CES2: variants seen among roughly 807,000 people sequenced by gnomAD.
CES2 encodes the protein cocaine esterase.
Under a neutral mutation model 52.1 loss-of-function variants are expected in CES2, and 42 were observed. That is an observed-to-expected ratio of 0.81 (90% CI 0.63 to 1.04). The LOEUF (loss-of-function observed/expected upper bound fraction) is 1.04. Ranked by LOEUF, CES2 falls within the 50% of genes least tolerant of loss-of-function variation. The pLI, the probability that CES2 is intolerant of heterozygous loss-of-function variation, is 0.00. For missense variants in CES2, 656 were observed against 724.3 expected (o/e 0.91, Z 1.08); for synonymous variants, 277 against 289.6 (o/e 0.96, Z 0.44).
At position 66,944,014 on chromosome 16, in the gene CES2, A is replaced by G. The variant is rs1310536349; in HGVS notation, c.1669A>G (p.Thr557Ala). 48 of 1,496,592 alleles carry G rather than the reference A, an allele frequency of 3.2e-5. No homozygotes were observed. The Admixed American group carries it at 3.7e-4, about 11-fold the overall frequency. The allele number at this position is 1,496,592 out of a possible 1,614,324, so 92.7% of individuals were successfully genotyped here. A position where few individuals can be genotyped will look rare whatever the true frequency, so the allele number is the denominator to read the frequency against. The change falls in exon 12 of 12, where the codon ACA (threonine) becomes GCA (alanine). Residue 557 changes from threonine to alanine, a missense_variant. Physicochemically the swap from Thr to Ala is moderately conservative, Grantham distance 58. Coordinates refer to ENST00000317091, the MANE Select transcript of CES2 (RefSeq NM_001365405.1). ...GCTCGAGGAGCCTGAAGAGAGACAC[A>G]CAGAGCTGTAGCTCCCTGTGCCGGG... is the stretch of plus-strand genomic sequence containing the variant. ...QELEEPEERH[T>A]EL is the part of the protein sequence containing the mutation.
intron 9 of CES2, 118 bp downstream of exon 9, chr16:66,942,367 G>A: frequency 9.2e-7 from 1 of 1,088,394 alleles, no homozygotes; most frequent in Non-Finnish European, 1.3e-6. Flanking sequence ...GGGGACACTT[G>A]ACATCCATCA....
chr16:66,940,877 C>T (rs896888752), intron 5 of CES2, among the ~76,000 whole-genome samples, 182 bp downstream of exon 5: 3 of 152,182 alleles, frequency 2.0e-5, no homozygotes, highest in African/African-American at 4.8e-5. Context: ...TTGCAGAGGC[C>T]GAGCTTGTTC....
At chr16:66,935,230 T>C (rs1484384747), upstream of CES2, 1 of 538,160 alleles carries the variant, frequency 1.9e-6, no homozygotes, top group African/African-American at 1.9e-5. Context: ...AGAGAAGCCC[T>C]CCTGGGGTCT....
rs1170998766 is a variant in CES2 at position 66,940,799 on chromosome 16, T to C, written c.816+104T>C. On this transcript the variant is annotated intron_variant, in intron 5 of 11. Transcript: ENST00000317091. ...ATGACAAGGGCCATCGGGAGCATGC[T>C]CCAGGAGCTGCTGCCTACCGTGGAA... The C allele has an allele frequency of 7.9e-6, 11 of 1,392,986 alleles. No individual in the cohort carries two copies. In the East Asian group the frequency reaches 2.2e-4, roughly 28 times the overall value. The allele number at this position is 1,392,986 out of a possible 1,614,324, so 86.3% of individuals were successfully genotyped here.
Position 66,935,572 on chromosome 16 carries a change from G to C in CES2, c.-64G>C. On this transcript the variant is annotated 5_prime_UTR_variant, in exon 1 of 12. Transcript: ENST00000317091. The stretch of plus-strand genomic sequence containing the variant: ...CACTGATCCACTGCTGGACAGACCC[G>C]GGGCAGCCTCTGGGTGAACAGCAGC... The C allele has an allele frequency of 1.2e-6, 2 of 1,613,576 alleles. No individual in the cohort carries two copies. Among genetic ancestry groups the C allele is most frequent in the South Asian group, 2.2e-5 (2 of 91,042 alleles).
chr16:66,941,343 C>T (rs1963358490), intron 6 of CES2, 121 bp downstream of exon 6: 1 of 1,523,446 alleles, frequency 6.6e-7, no homozygotes, highest in Admixed American at 2.0e-5. Flanking sequence ...GTGTCATAGC[C>T]CTGGGTCGGG....
Position 66,942,195 on chromosome 16 carries a change from A to T in CES2, c.1228A>T (p.Met410Leu), listed in dbSNP as rs1963384040. The change falls in exon 9 of 12, where the codon ATG (methionine) becomes TTG (leucine). Residue 410 changes from methionine (M) to leucine (L), a missense_variant. Met to Leu is a conservative substitution (Grantham distance 15). Coordinates refer to ENST00000317091, the MANE Select transcript of CES2 (RefSeq NM_001365405.1). Reference sequence around the variant, plus strand: ...GACCCTCCAAGCGCAGTTCCAGGAGATGATGGCGGACTCCATGTTTGTGAT... The same window carrying T: ...GACCCTCCAAGCGCAGTTCCAGGAGTTGATGGCGGACTCCATGTTTGTGAT... ...PQTLQAQFQE[M>L]MADSMFVIPA... The T allele has an allele frequency of 6.2e-7, 1 of 1,613,750 alleles. No homozygotes were observed. The highest frequency in any genetic ancestry group is 1.7e-5 in the Admixed American group (1 of 59,988).
At chr16:66,942,926 C>A in intron 10 of CES2, 141 bp downstream of exon 10, 3 of 1,399,452 alleles carry the variant, frequency 2.1e-6, no homozygotes, top group Non-Finnish European at 1.9e-6. Flanking sequence ...TTTATAGCTC[C>A]AAAAGCTGCA....
intron 2 of CES2, 46 bp downstream of exon 2, chr16:66,938,287 G>T (rs1469568240): frequency 2.2e-6 from 3 of 1,394,836 alleles, no homozygotes; most frequent in Admixed American, 1.7e-5. Flanking sequence ...CTGGGGCAGG[G>T]GTGGGGGTGC....
chr16:66,937,407 C>T (rs1165508062), intron 1 of CES2, among the ~76,000 whole-genome samples: 1 of 152,142 alleles, frequency 6.6e-6, no homozygotes, highest in Admixed American at 6.6e-5. Context: ...TGCACTTGTC[C>T]TTGATTTTCA....
chr16:66,941,925 A>T, intron 8 of CES2, 77 bp downstream of exon 8: 2 of 1,599,714 alleles, frequency 1.3e-6, no homozygotes, highest in Non-Finnish European at 1.7e-6. Flanking sequence ...CAACCCCCAG[A>T]TACCCTTCCT....
Position 66,944,323 on chromosome 16 carries a change from A to AAG in CES2, c.*305_*306dup, listed in dbSNP as rs1392554602. On this transcript the variant is annotated 3_prime_UTR_variant, in exon 12 of 12. Coordinates refer to ENST00000317091, the MANE Select transcript of CES2 (RefSeq NM_001365405.1). The stretch of plus-strand genomic sequence containing the variant: ...CCCCTTCTCAAAAAAAAAAAAAAAA[A>AAG]AGAGAGAGTGTGTGATTAGAAGCTA... 13 of 174,050 alleles carry AAG rather than the reference A, an allele frequency of 7.5e-5. No individual in the cohort carries two copies. Among genetic ancestry groups the AAG allele is most frequent in the African/African-American group, 7.0e-4 (10 of 14,280 alleles). The allele number at this position is 174,050 out of a possible 1,614,324, so 10.8% of individuals were successfully genotyped here. A position where few individuals can be genotyped will look rare whatever the true frequency, so the allele number is the denominator to read the frequency against.
chr16:66,940,337 G>C lies in CES2; in HGVS notation c.539G>C (p.Gly180Ala). The C allele has an allele frequency of 1.9e-6, 3 of 1,614,172 alleles. No individual in the cohort carries two copies. The highest frequency in any genetic ancestry group is 2.5e-6 in the Non-Finnish European group (3 of 1,180,030). The stretch of plus-strand genomic sequence containing the variant: ...GTGGTCATCATCCAGTACCGCCTGG[G>C]TGTCCTGGGCTTCTTCAGGTGAGAC... ...VVVVIIQYRLGVLGFFSTGDK... is the reference protein window; with the variant it reads ...VVVVIIQYRLAVLGFFSTGDK... Residue 180 changes from glycine (G) to alanine (A), a missense_variant, in exon 4 of 12, where the codon GGT becomes GCT. Coordinates refer to ENST00000317091, the MANE Select transcript of CES2 (RefSeq NM_001365405.1).
intron 5 of CES2, 114 bp downstream of exon 5, chr16:66,940,809 G>A: frequency 7.4e-7 from 1 of 1,344,284 alleles, no homozygotes; most frequent in Non-Finnish European, 9.9e-7. Context: ...TCCAGGAGCT[G>A]CTGCCTACCG....
intron 2 of CES2, 71 bp from the exon 3 acceptor site, chr16:66,939,146 C>T: frequency 7.4e-7 from 1 of 1,359,774 alleles, no homozygotes; most frequent in Admixed American, 1.7e-5. Flanking sequence ...TGGCTGGGAG[C>T]ACCTCTGAAC....
intron 2 of CES2, 80 bp downstream of exon 2, chr16:66,938,321 TATC>T (rs1367648855): frequency 3.0e-6 from 3 of 995,788 alleles, no homozygotes; most frequent in Non-Finnish European, 4.7e-6. Context: ...AGGCTGCAGT[TATC>T]ATTTCATCTA....
intron 2 of CES2, chr16:66,938,481 G>A (rs1466430917): frequency 2.7e-5 from 15 of 563,112 alleles, no homozygotes; most frequent in African/African-American, 1.3e-4. Context: ...TCCAGGTGCC[G>A]AAGGGAGGGG....
chr16:66,941,372 C>G, intron 6 of CES2, 134 bp from the exon 7 acceptor site: 1 of 1,513,088 alleles, frequency 6.6e-7, no homozygotes, highest in Non-Finnish European at 8.9e-7. Flanking sequence ...TCGGTGCATG[C>G]TGAGCCAAAC....
At chr16:66,942,022 G>A in intron 8 of CES2, 83 bp from the exon 9 acceptor site, 1 of 1,542,010 alleles carries the variant, frequency 6.5e-7, no homozygotes, top group Non-Finnish European at 8.8e-7. Context: ...CCCCCTTCCT[G>A]TGCCATCCCC....
Sources: allele counts gnomAD v4.1 joint callset (sites outside exome capture counted in the v4.1 genomes callset), GRCh38; gene constraint gnomAD v4.1.1; transcripts MANE v1.5; gene names NCBI Gene and HGNC (gene_info 2026-07-23, HGNC 2026-07-21).